Variants in EFCAB5 observed in about 807,000 individuals in gnomAD.
EFCAB5 encodes EF-hand calcium-binding domain-containing protein 5.
In EFCAB5, 131 loss-of-function variants were observed where a neutral mutation model predicts 167.9. The ratio of observed to expected loss-of-function variants is 0.78; its 90% CI spans 0.68 to 0.90. EFCAB5 has a LOEUF of 0.90. Ranked by LOEUF, EFCAB5 falls within the 40% of genes least tolerant of loss-of-function variation. The probability of loss-of-function intolerance (pLI) is 0.00; values close to 1 mark genes in which losing one functional copy is unlikely to be tolerated. For missense variants in EFCAB5, 1,663 were observed against 1,745.2 expected (o/e 0.95, Z 0.84); for synonymous variants, 574 against 602.8 (o/e 0.95, Z 0.70).
intron 4 of EFCAB5, among the ~76,000 whole-genome samples, chr17:29,984,304 CAGA>C (rs2068236391): frequency 6.6e-6 from 1 of 151,182 alleles, no homozygotes; most frequent in Non-Finnish European, 1.5e-5. Context: ...GGGAGACAAG[CAGA>C]AGAAGCAGAA....
chr17:30,049,304 A>G (rs1014456962), intron 8 of EFCAB5, among the ~76,000 whole-genome samples: 2 of 151,898 alleles, frequency 1.3e-5, no homozygotes, highest in African/African-American at 2.4e-5. Context: ...ACATGGTGAA[A>G]CCCTGTCTCT....
At chr17:30,016,758 G>A (rs998478710) in intron 7 of EFCAB5, among the ~76,000 whole-genome samples, 1 of 152,132 alleles carries the variant, frequency 6.6e-6, no homozygotes, top group African/African-American at 2.4e-5. Flanking sequence ...AATAACTTTT[G>A]GATCAAAATC....
At chr17:30,097,299 G>C (rs1270802250) in intron 22 of EFCAB5, among the ~76,000 whole-genome samples, 1 of 150,182 alleles carries the variant, frequency 6.7e-6, no homozygotes, top group African/African-American at 2.4e-5. Context: ...CAGATGATCC[G>C]CCCCCTCGGC....
chr17:30,015,375 T>C (rs2069009420), intron 7 of EFCAB5, among the ~76,000 whole-genome samples: 1 of 152,226 alleles, frequency 6.6e-6, no homozygotes, highest in African/African-American at 2.4e-5. Flanking sequence ...TTTTCCTGGA[T>C]AATACCCTGA....
intron 6 of EFCAB5, 46 bp downstream of exon 6, chr17:29,996,406 T>C: frequency 6.9e-7 from 1 of 1,456,022 alleles, no homozygotes; most frequent in African/African-American, 1.4e-5. Flanking sequence ...ATTTCTTTTT[T>C]GGGTGGGGGA....
chr17:30,035,497 T>C (rs188533693), intron 8 of EFCAB5, among the ~76,000 whole-genome samples: 1 of 152,300 alleles, frequency 6.6e-6, no homozygotes, highest in East Asian at 1.9e-4. Context: ...TGACAGAAGA[T>C]AGAATAACAG....
chr17:30,006,513 A>G (rs900964571), intron 7 of EFCAB5, among the ~76,000 whole-genome samples: 1 of 152,226 alleles, frequency 6.6e-6, no homozygotes, highest in Non-Finnish European at 1.5e-5. Flanking sequence ...CTAGCAAAGC[A>G]TATCACTATG....
At chr17:30,030,249 C>A (rs767674715) in intron 7 of EFCAB5, among the ~76,000 whole-genome samples, 2 of 152,172 alleles carry the variant, frequency 1.3e-5, no homozygotes, top group Non-Finnish European at 2.9e-5. Context: ...ACTCAGAAAA[C>A]CGACAGACTA....
In EFCAB5 at chr17:30,080,180, A is replaced by G. The variant is rs377221208; in HGVS notation, c.3136A>G (p.Thr1046Ala). The stretch of plus-strand genomic sequence containing the variant: ...TGTTCTATTGAGGAATGTGGCTTGT[A>G]CCTTAGATGATGCTCAATTTGTACT... The part of the protein sequence containing the change: ...GNVLLRNVAC[T>A]LDDAQFVLNR... Residue 1046 changes from threonine (T) to alanine (A), a missense_variant, in exon 16 of 23, where the codon ACC (threonine) becomes GCC (alanine). Transcript: ENST00000394835. 6.2e-6 allele frequency: 10 copies of G among 1,613,632 alleles called. No individual in the cohort carries two copies. The highest frequency in any genetic ancestry group is 8.5e-6 in the Non-Finnish European group (10 of 1,179,814).
chr17:29,943,700 G>A (rs550749920), intron 3 of EFCAB5, 51 bp downstream of exon 3: 77 of 1,493,012 alleles, frequency 5.2e-5, no homozygotes, highest in South Asian at 2.8e-4. Context: ...CTGGCTGGGC[G>A]TGGTGGCTCA....
At chr17:30,009,260 A>T (rs1245185714) in intron 7 of EFCAB5, among the ~76,000 whole-genome samples, 3 of 152,182 alleles carry the variant, frequency 2.0e-5, no homozygotes, top group Non-Finnish European at 4.4e-5. Flanking sequence ...TACCTACCTT[A>T]TACCCATTTA....
At chr17:29,950,547 T>A (rs1404991874) in intron 3 of EFCAB5, 1 of 151,846 alleles carries the variant, frequency 6.6e-6, no homozygotes, top group African/African-American at 2.4e-5. Context: ...AGTTTTTAAT[T>A]TTTTTTTGCA....
At chr17:30,003,120 C>T (rs1185656020) in intron 7 of EFCAB5, among the ~76,000 whole-genome samples, 4 of 144,866 alleles carry the variant, frequency 2.8e-5, no homozygotes, top group Non-Finnish European at 6.1e-5. Context: ...TCTGATATTT[C>T]CTCTGTTGTT....
At chr17:30,085,502 C>G (rs1436378457) in intron 18 of EFCAB5, among the ~76,000 whole-genome samples, 6 of 152,082 alleles carry the variant, frequency 3.9e-5, no homozygotes, top group Non-Finnish European at 8.8e-5. Flanking sequence ...GGGCAGATCA[C>G]GAGGTCAGGA....
chr17:30,011,515 C>T (rs988776452), intron 7 of EFCAB5, among the ~76,000 whole-genome samples: 1 of 152,028 alleles, frequency 6.6e-6, no homozygotes, highest in African/African-American at 2.4e-5. Flanking sequence ...TGAAGAGGTC[C>T]TTCACATCCC....
chr17:30,102,337 C>A (rs2071393003), intron 22 of EFCAB5, among the ~76,000 whole-genome samples: 1 of 151,952 alleles, frequency 6.6e-6, no homozygotes, highest in Non-Finnish European at 1.5e-5. Flanking sequence ...TTCTCCTGAT[C>A]TTTCTATCAT....
At chr17:29,986,957 A>G (rs749543482) in intron 4 of EFCAB5, among the ~76,000 whole-genome samples, 1 of 152,024 alleles carries the variant, frequency 6.6e-6, no homozygotes, top group Non-Finnish European at 1.5e-5. Context: ...GAGTATATTC[A>G]TTTTGATAAA....
intron 14 of EFCAB5, chr17:30,069,053 TA>T (rs537851106): frequency 2.8e-6 from 4 of 1,410,694 alleles, no homozygotes; most frequent in Non-Finnish European, 4.0e-6. Context: ...GAAGATTACT[TA>T]AAAAAAGTGT....
rs377477024 is a variant in EFCAB5 at position 30,090,652 on chromosome 17, G to A, written c.3915G>A (p.Glu1305=). The change falls in exon 20 of 23, where the codon GAG becomes GAA. Residue 1305 remains glutamate (E), a synonymous_variant. Coordinates refer to ENST00000394835, the MANE Select transcript of EFCAB5 (RefSeq NM_198529.4). ...AAATACTTGGCGAGTTCTCTGGAGA[G>A]ATAAAGAAAAAATATATCTTAGGTA... ...CYEILGEFSG[E]IKKKYILEIE... The A allele has an allele frequency of 1.9e-6, 3 of 1,610,462 alleles. No homozygotes were observed. The African/African-American group carries it at 4.0e-5, about 22-fold the overall frequency.
Sources: gnomAD v4.1 joint callset for allele counts (sites outside exome capture counted in the v4.1 genomes callset) on GRCh38, gnomAD v4.1.1 for gene constraint, MANE v1.5 for transcripts, NCBI Gene and HGNC (gene_info 2026-07-23, HGNC 2026-07-21) for gene names.